The following MYO5B variants were observed in gnomAD, a reference collection of about 807,000 sequenced individuals.
The protein encoded by MYO5B is myosin VB, also known as unconventional myosin-Vb.
MYO5B carries 143 observed loss-of-function variants against 229.3 expected under a neutral mutation model. That is an observed-to-expected ratio of 0.62 (90% confidence interval 0.54 to 0.72). The LOEUF (loss-of-function observed/expected upper bound fraction) is 0.72. Among genes scored for constraint, MYO5B ranks in the 30% least tolerant of loss-of-function variants. The pLI is 0.00. For synonymous variants in MYO5B, 918 were observed against 885.2 expected, an observed-to-expected ratio of 1.04 and a Z score of -0.66; for missense variants, 2,321 against 2,331.0, an observed-to-expected ratio of 1.00 and a Z score of 0.09.
intron 23 of MYO5B, among the ~76,000 whole-genome samples, chr18:49,879,740 C>G (rs1180848346): frequency 6.6e-6 from 1 of 152,176 alleles, no homozygotes; most frequent in Non-Finnish European, 1.5e-5. Context: ...AAACTGGGGT[C>G]TGTGGACTCT....
Position 49,985,813 on chromosome 18 carries a change from C to T in MYO5B, c.839-988G>A, listed in dbSNP as rs79904768. Among the ~76,000 whole-genome samples the T allele has an allele frequency of 9.2e-3, 1,401 of 152,288 alleles. 31 individuals carry two copies. Among genetic ancestry groups the T allele is most frequent in the African/African-American group, 0.032 (1,342 of 41,552 alleles). On this transcript the variant is annotated intron_variant, in intron 7 of 39. Coordinates refer to ENST00000285039, the MANE Select transcript of MYO5B (RefSeq NM_001080467.3). Reference sequence around the variant, plus strand: ...GGCTGAAACACATCAGCTAAAGGTGCTTAGATGCAGCTTCACTGCAACTCC... The same window carrying T: ...GGCTGAAACACATCAGCTAAAGGTGTTTAGATGCAGCTTCACTGCAACTCC...
chr18:50,149,362 A>C (rs1320865690), intron 1 of MYO5B, among the ~76,000 whole-genome samples: 7 of 151,738 alleles, frequency 4.6e-5, no homozygotes, highest in Admixed American at 2.6e-4. Flanking sequence ...ACCAAAAAAG[A>C]GCCCACATCG....
At chr18:49,996,497 A>G (rs2025988848) in intron 5 of MYO5B, among the ~76,000 whole-genome samples, 1 of 152,238 alleles carries the variant, frequency 6.6e-6, no homozygotes, top group South Asian at 2.1e-4. Context: ...AATAAACTAG[A>G]ACACAGCTCA....
chr18:49,855,641 A>C (rs1440512522), intron 30 of MYO5B, among the ~76,000 whole-genome samples: 1 of 152,184 alleles, frequency 6.6e-6, no homozygotes, highest in Non-Finnish European at 1.5e-5. Flanking sequence ...ACCTGTATTA[A>C]CCTTATTCCT....
chr18:50,059,823 A>G (rs2030642893), intron 1 of MYO5B, among the ~76,000 whole-genome samples: 2 of 152,248 alleles, frequency 1.3e-5, no homozygotes, highest in South Asian at 4.1e-4. Context: ...AAATTTATAG[A>G]TCTTCCAAGG....
At chr18:49,846,498 C>G (rs540505398) in intron 33 of MYO5B, among the ~76,000 whole-genome samples, 120 of 152,266 alleles carry the variant, frequency 7.9e-4, no homozygotes, top group Non-Finnish European at 1.1e-3. Context: ...CGGCCATGTG[C>G]GGCTAGTTAG....
At chr18:50,003,745 T>C (rs1271907975) in intron 4 of MYO5B, among the ~76,000 whole-genome samples, 2 of 152,196 alleles carry the variant, frequency 1.3e-5, no homozygotes. Context: ...TGTCCCAAAT[T>C]TGTGTGTTCA....
intron 21 of MYO5B, among the ~76,000 whole-genome samples, chr18:49,900,870 A>G (rs1284476060): frequency 6.6e-6 from 1 of 152,204 alleles, no homozygotes; most frequent in African/African-American, 2.4e-5. Flanking sequence ...TGCACGGGAA[A>G]GGACTGAAAC....
chr18:50,116,652 T>G (rs1440456532), intron 1 of MYO5B, among the ~76,000 whole-genome samples: 2 of 151,980 alleles, frequency 1.3e-5, no homozygotes, highest in African/African-American at 4.8e-5. Flanking sequence ...ACCCTTGCTC[T>G]GGTTTGAACA....
chr18:50,037,068 C>A, intron 3 of MYO5B, 74 bp from the exon 4 acceptor site: 1 of 1,545,030 alleles, frequency 6.5e-7, no homozygotes, highest in South Asian at 1.1e-5. Context: ...GGCACCCATC[C>A]ATTCATACAC....
At chr18:49,989,280 T>C (rs999192988) in intron 7 of MYO5B, among the ~76,000 whole-genome samples, 2 of 152,228 alleles carry the variant, frequency 1.3e-5, no homozygotes, top group African/African-American at 4.8e-5. Context: ...GGATTTCAGC[T>C]ACTGGGAGCA....
At chr18:50,058,675 G>A (rs549676297) in intron 1 of MYO5B, among the ~76,000 whole-genome samples, 2 of 152,128 alleles carry the variant, frequency 1.3e-5, no homozygotes, top group African/African-American at 4.8e-5. Context: ...GCCGGGCGTG[G>A]TGGCGGGTGC....
At chr18:49,993,653 G>C (rs938476320) in intron 5 of MYO5B, among the ~76,000 whole-genome samples, 1 of 152,002 alleles carries the variant, frequency 6.6e-6, no homozygotes. Flanking sequence ...AGTTCCAAAC[G>C]GGTCAAACTG....
chr18:49,974,808 C>CAG, intron 9 of MYO5B, among the ~76,000 whole-genome samples, 193 bp from the exon 10 acceptor site: 1 of 149,888 alleles, frequency 6.7e-6, no homozygotes, highest in African/African-American at 2.5e-5. Context: ...GACACACACA[C>CAG]ACACACACAC....
intron 5 of MYO5B, among the ~76,000 whole-genome samples, chr18:49,997,369 C>CTTT (rs34011258): frequency 3.3e-4 from 20 of 60,354 alleles, no homozygotes; most frequent in Non-Finnish European, 4.1e-4. Context: ...TCCTTTCTTT[C>CTTT]TTTTTTTTTT....
rs767526420 is a variant in MYO5B at position 49,853,575 on chromosome 18, G to A, written c.4095C>T (p.Leu1365=). The change falls in exon 31 of 40, where the codon CTC becomes CTT. Residue 1365 remains leucine, a synonymous_variant. Transcript: ENST00000285039. ...EEEVEHLKAQ[L]EALKEEMDKQ... ...TGTCCATCTCCTCCTTCAGGGCCTC[G>A]AGCTGAGCCTTGAGATGCTCCACCT... is the stretch of plus-strand genomic sequence containing the variant. 18 of 1,614,118 alleles carry A rather than the reference G, an allele frequency of 1.1e-5. No individual in the cohort carries two copies. Among genetic ancestry groups the A allele is most frequent in the Admixed American group, 3.3e-5 (2 of 60,024 alleles).
Position 49,895,195 on chromosome 18 carries a change from C to T in MYO5B, c.2812-21G>A, listed in dbSNP as rs756338767. 3 of 1,594,366 alleles carry T rather than the reference C, an allele frequency of 1.9e-6. No individual in the cohort carries two copies. In the South Asian group the frequency reaches 3.3e-5, roughly 18 times the overall value. ...TTGTTCTGTGGAGAACATCAGCAAA[C>T]AAGGAGAAGGGAGAAGAAGTGGGGG... On this transcript the variant is annotated intron_variant, in intron 21 of 39. Coordinates refer to ENST00000285039, the MANE Select transcript of MYO5B (RefSeq NM_001080467.3).
chr18:50,128,333 A>G (rs1464006710), intron 1 of MYO5B, among the ~76,000 whole-genome samples: 1 of 152,194 alleles, frequency 6.6e-6, no homozygotes, highest in Non-Finnish European at 1.5e-5. Context: ...ACAAACAGGA[A>G]TGAGGACTGT....
intron 1 of MYO5B, among the ~76,000 whole-genome samples, chr18:50,120,918 A>G (rs1269101531): frequency 6.6e-6 from 1 of 152,288 alleles, no homozygotes; most frequent in Middle Eastern, 3.4e-3. Flanking sequence ...GGAGCTTCTA[A>G]GGCCAAACTC....
Sources: gnomAD v4.1 joint callset for allele counts (sites outside exome capture counted in the v4.1 genomes callset) on GRCh38, gnomAD v4.1.1 for gene constraint, MANE v1.5 for transcripts, NCBI Gene and HGNC (gene_info 2026-07-23, HGNC 2026-07-21) for gene names.